Variants in TRABD2B observed in about 807,000 individuals in gnomAD.
The protein encoded by TRABD2B is TraB domain containing 2B.
Under a neutral mutation model 40.1 loss-of-function variants are expected in TRABD2B, and 14 were observed. The ratio of observed to expected loss-of-function variants is 0.35; its 90% confidence interval spans 0.23 to 0.55. TRABD2B has a LOEUF of 0.55. Among genes scored for constraint, TRABD2B ranks in the 20% least tolerant of loss-of-function variants. The pLI is 0.90. For synonymous variants in TRABD2B, 263 were observed against 277.0 expected (o/e 0.95, Z 0.50); for missense variants, 541 against 648.6 (o/e 0.83, Z 1.80).
intron 2 of TRABD2B, among the ~76,000 whole-genome samples, chr1:47,962,331 A>G (rs964229896): frequency 2.6e-5 from 4 of 152,170 alleles, no homozygotes; most frequent in Admixed American, 6.6e-5. Context: ...CCTGCACGTT[A>G]TGCACATGTA....
At chr1:47,976,734 C>T (rs1001673010) in intron 2 of TRABD2B, among the ~76,000 whole-genome samples, 3 of 152,160 alleles carry the variant, frequency 2.0e-5, no homozygotes, top group Admixed American at 6.5e-5. Context: ...TTTTCTTTTG[C>T]ATACATGCTT....
At chr1:47,889,892 A>G (rs2124647443) in intron 2 of TRABD2B, among the ~76,000 whole-genome samples, 1 of 152,106 alleles carries the variant, frequency 6.6e-6, no homozygotes, top group Non-Finnish European at 1.5e-5. Context: ...TGTAGATTAC[A>G]TGGGTCAGAA....
intron 2 of TRABD2B, among the ~76,000 whole-genome samples, chr1:47,836,406 G>C (rs901152052): frequency 6.6e-6 from 1 of 152,208 alleles, no homozygotes; most frequent in Middle Eastern, 3.2e-3. Context: ...AGCCTTCTTA[G>C]CTGTGTGGCT....
chr1:47,809,000 C>T lies in TRABD2B; in HGVS notation c.667-7381G>A, dbSNP rs543214112. 4.6e-5 allele frequency among the ~76,000 whole-genome samples: 7 copies of T among 152,240 alleles called. No homozygotes were observed. In the South Asian group the frequency reaches 1.0e-3, roughly 23 times the overall value. ...TGCTAAGGTAACCTCACCTGGTTCA[C>T]GGCCTCCCCAGTCTGCTTTCACTGC... On this transcript the variant is annotated intron_variant, in intron 2 of 6. Transcript: ENST00000606738.
At chr1:47,915,201 A>T (rs1223567923) in intron 2 of TRABD2B, among the ~76,000 whole-genome samples, 1 of 152,218 alleles carries the variant, frequency 6.6e-6, no homozygotes, top group African/African-American at 2.4e-5. Flanking sequence ...ATGGAACATC[A>T]TGCACAAAAG....
rs5773969 is a variant in TRABD2B at position 47,878,939 on chromosome 1, AT to A, written c.667-77321del. On this transcript the variant is annotated intron_variant, in intron 2 of 6. Coordinates refer to ENST00000606738, the MANE Select transcript of TRABD2B (RefSeq NM_001194986.2). The stretch of plus-strand genomic sequence containing the variant: ...TAGTGAGACCGCATCTCTACAAAAG[AT>A]TTTTTTTTTTTTTAATTAGCTAGGT... Among the ~76,000 whole-genome samples the A allele has an allele frequency of 7.2e-3, 1,050 of 145,744 alleles. 11 individuals carry two copies. Among genetic ancestry groups the A allele is most frequent in the African/African-American group, 0.02 (811 of 39,562 alleles).
chr1:47,798,850 C>A (rs1193767976), intron 3 of TRABD2B, among the ~76,000 whole-genome samples: 1 of 152,202 alleles, frequency 6.6e-6, no homozygotes, highest in African/African-American at 2.4e-5. Context: ...CACAGCCCCA[C>A]CTCCAACAGA....
intron 2 of TRABD2B, among the ~76,000 whole-genome samples, chr1:47,864,259 G>T (rs994294981): frequency 1.3e-5 from 2 of 151,886 alleles, no homozygotes; most frequent in Non-Finnish European, 2.9e-5. Context: ...TGGACTTTGG[G>T]TGATGTGTCA....
intron 2 of TRABD2B, among the ~76,000 whole-genome samples, chr1:47,811,344 G>A (rs536220862): frequency 1.1e-4 from 16 of 151,302 alleles, no homozygotes; most frequent in Non-Finnish European, 1.9e-4. Context: ...CGCCTGCCCC[G>A]TGGACTTGGT....
chr1:47,768,406 T>C (rs796711426), intron 6 of TRABD2B, among the ~76,000 whole-genome samples: 1 of 151,364 alleles, frequency 6.6e-6, no homozygotes, highest in South Asian at 2.1e-4. Flanking sequence ...TCCCACCCCA[T>C]GCCGGCCTGA....
chr1:47,863,372 T>TTATATATA lies in TRABD2B; in HGVS notation c.667-61761_667-61754dup, dbSNP rs201881656. On this transcript the variant is annotated intron_variant, in intron 2 of 6. Transcript: ENST00000606738. ...ATAATTGGATATATCCTATATAATT[T>TTATATATA]TATATATATATATATATATATAATC... Among the ~76,000 whole-genome samples, 242 of 66,498 alleles carry TTATATATA rather than the reference T, an allele frequency of 3.6e-3. 19 individuals carry two copies. The highest frequency in any genetic ancestry group is 6.3e-3 in the Middle Eastern group (1 of 160). The allele number at this position is 66,498 out of a possible 152,430, so 43.6% of individuals were successfully genotyped here. A position where few individuals can be genotyped will look rare whatever the true frequency, so the allele number is the denominator to read the frequency against.
chr1:47,871,775 CT>C (rs1644144734), intron 2 of TRABD2B, among the ~76,000 whole-genome samples: 1 of 152,220 alleles, frequency 6.6e-6, no homozygotes, highest in African/African-American at 2.4e-5. Context: ...AGTGCTCTGT[CT>C]TTTCATCGCT....
intron 2 of TRABD2B, among the ~76,000 whole-genome samples, chr1:47,991,559 G>T (rs1251680493): frequency 6.6e-6 from 1 of 152,118 alleles, no homozygotes; most frequent in South Asian, 2.1e-4. Flanking sequence ...GCTTTTTCCA[G>T]GGTTCCAAAA....
chr1:47,840,732 G>A (rs995524877), intron 2 of TRABD2B, among the ~76,000 whole-genome samples: 1 of 152,188 alleles, frequency 6.6e-6, no homozygotes, highest in South Asian at 2.1e-4. Context: ...TGGCAGCACT[G>A]AGCTTCTGCC....
At chr1:47,775,557 C>T (rs1050702034) in intron 5 of TRABD2B, 118 bp from the exon 6 acceptor site, 15 of 1,066,372 alleles carry the variant, frequency 1.4e-5, no homozygotes, top group Admixed American at 8.5e-5. Flanking sequence ...CCAGGGTGCC[C>T]CTGCTGGGCC....
intron 2 of TRABD2B, among the ~76,000 whole-genome samples, chr1:47,988,832 G>A (rs1008490722): frequency 3.3e-5 from 5 of 152,210 alleles, no homozygotes; most frequent in African/African-American, 1.2e-4. Flanking sequence ...CTGGCCCAAA[G>A]TCACAGGCAA....
chr1:47,782,072 A>C (rs572268962), intron 4 of TRABD2B, among the ~76,000 whole-genome samples: 2 of 152,146 alleles, frequency 1.3e-5, no homozygotes, highest in Non-Finnish European at 2.9e-5. Context: ...TGGTAACTAC[A>C]CAATGCTGAC....
chr1:47,958,502 G>T (rs11485685), intron 2 of TRABD2B, among the ~76,000 whole-genome samples: 1 of 127,360 alleles, frequency 7.9e-6, no homozygotes, highest in Admixed American at 8.6e-5. Context: ...TCAAAATAAA[G>T]GGATGGATGA....
At chr1:47,995,720 T>C (rs556921869) in intron 1 of TRABD2B, among the ~76,000 whole-genome samples, 1 of 152,332 alleles carries the variant, frequency 6.6e-6, no homozygotes, top group East Asian at 1.9e-4. Context: ...AAAGTATGTG[T>C]TGGGATGGGT....
Sources: allele counts gnomAD v4.1 joint callset (sites outside exome capture counted in the v4.1 genomes callset), GRCh38; gene constraint gnomAD v4.1.1; transcripts MANE v1.5; gene names NCBI Gene and HGNC (gene_info 2026-07-23, HGNC 2026-07-21).